CELF2: variants seen among roughly 807,000 people sequenced by gnomAD.
CELF2 encodes the protein CUGBP Elav-like family member 2.
A neutral mutation model predicts 62.6 loss-of-function variants in CELF2; 8 were observed. That is an observed-to-expected ratio of 0.13 (90% CI 0.07 to 0.23). The LOEUF is 0.23. Among genes scored for constraint, CELF2 ranks in the 10% least tolerant of loss-of-function variants. The probability of loss-of-function intolerance (pLI) is 1.00; values close to 1 mark genes in which losing one functional copy is unlikely to be tolerated. For missense variants in CELF2, 333 were observed against 671.0 expected (o/e 0.50, Z 5.56); for synonymous variants, 258 against 250.0 (o/e 1.03, Z -0.30).
At chr10:11,096,818 G>C (rs1332819035) in intron 1 of CELF2, among the ~76,000 whole-genome samples, 2 of 152,116 alleles carry the variant, frequency 1.3e-5, no homozygotes, top group Non-Finnish European at 2.9e-5. Context: ...GGATGATGGA[G>C]GTTACTTTCA....
chr10:11,094,588 G>A lies in CELF2; in HGVS notation c.75-70898G>A, dbSNP rs551930188. 3.3e-5 allele frequency among the ~76,000 whole-genome samples: 5 copies of A among 152,152 alleles called. No homozygotes were observed. In the East Asian group the frequency reaches 7.7e-4, roughly 23 times the overall value. ...TCCTGACAACAATTTCTTTGGAAGG[G>A]GAAAAAAAGCAAAAGGGAAGTGAGA... On this transcript the variant is annotated intron_variant, in intron 1 of 12. Coordinates refer to ENST00000633077, the MANE Select transcript of CELF2 (RefSeq NM_001326342.2).
chr10:10,743,553 A>T, the CELF2 span, among the ~76,000 whole-genome samples: 4 of 152,234 alleles, frequency 2.6e-5, no homozygotes, highest in African/African-American at 9.6e-5. Context: ...TAGGCAACTT[A>T]TGAGTGCAAG....
chr10:11,139,066 A>G (rs1040244348), intron 1 of CELF2, among the ~76,000 whole-genome samples: 1 of 152,268 alleles, frequency 6.6e-6, no homozygotes, highest in Non-Finnish European at 1.5e-5. Context: ...AGGCTCAATT[A>G]CTTAAGTCAT....
chr10:11,014,759 A>C (rs748079601), upstream of CELF2, among the ~76,000 whole-genome samples: 17 of 152,120 alleles, frequency 1.1e-4, no homozygotes, highest in Non-Finnish European at 1.5e-4. Flanking sequence ...GCCTCATATA[A>C]AATGAGGTCA....
At chr10:11,061,637 C>T (rs996418228) in intron 1 of CELF2, among the ~76,000 whole-genome samples, 4 of 152,196 alleles carry the variant, frequency 2.6e-5, no homozygotes, top group African/African-American at 9.6e-5. Flanking sequence ...GATTGATTAT[C>T]TTATAAGGGG....
At chr10:10,926,647 G>T (rs560355069) in intron 2 of CELF2, among the ~76,000 whole-genome samples, 3 of 152,186 alleles carry the variant, frequency 2.0e-5, no homozygotes, top group African/African-American at 7.2e-5. Flanking sequence ...TCTTCCATGG[G>T]ACTGTTTTTT....
chr10:11,149,204 G>A (rs904604850), intron 1 of CELF2, among the ~76,000 whole-genome samples: 4 of 152,168 alleles, frequency 2.6e-5, no homozygotes, highest in African/African-American at 9.7e-5. Context: ...CTGAGTGGCT[G>A]GGACTACAGG....
At chr10:10,576,943 T>G in the CELF2 span, among the ~76,000 whole-genome samples, 1 of 152,210 alleles carries the variant, frequency 6.6e-6, no homozygotes, top group Non-Finnish European at 1.5e-5. Flanking sequence ...AAGAGGCTAT[T>G]CTACCCCCAG....
At chr10:10,660,192 G>A in the CELF2 span, among the ~76,000 whole-genome samples, 8 of 152,240 alleles carry the variant, frequency 5.3e-5, no homozygotes, top group South Asian at 8.3e-4. Context: ...AACTGTTCAC[G>A]GATGATCATG....
At chr10:11,151,192 G>A (rs980766463) in intron 1 of CELF2, among the ~76,000 whole-genome samples, 3 of 152,138 alleles carry the variant, frequency 2.0e-5, no homozygotes, top group African/African-American at 7.2e-5. Context: ...TCCACCTCCG[G>A]TCCCGTAGTC....
chr10:10,797,447 A>T (rs770705286), upstream of CELF2, among the ~76,000 whole-genome samples: 4 of 152,042 alleles, frequency 2.6e-5, no homozygotes, highest in African/African-American at 4.8e-5. Flanking sequence ...GTGTCTGGGC[A>T]TAATAATAAT....
Position 11,095,180 on chromosome 10 carries a change from C to T in CELF2, c.75-70306C>T, listed in dbSNP as rs544639767. 9.2e-5 allele frequency among the ~76,000 whole-genome samples: 14 copies of T among 152,202 alleles called. No individual in the cohort carries two copies. In the South Asian group the frequency reaches 2.3e-3, roughly 25 times the overall value. Reference sequence around the variant, plus strand: ...TACTTTGCGTAGGGGGTTTACAAAGCGAAGTTTCTTCCTATGATTGTTAAC... The same window carrying T: ...TACTTTGCGTAGGGGGTTTACAAAGTGAAGTTTCTTCCTATGATTGTTAAC... On this transcript the variant is annotated intron_variant, in intron 1 of 12. Coordinates refer to ENST00000633077, the MANE Select transcript of CELF2 (RefSeq NM_001326342.2).
rs952209939 is a variant in CELF2, at chr10:11,315,267, G to A, written c.1096+1009G>A. On this transcript the variant is annotated intron_variant, in intron 10 of 12. Coordinates refer to ENST00000633077, the MANE Select transcript of CELF2 (RefSeq NM_001326342.2). This position sits in a 1 kb window ranked among gnomAD's most constrained non-coding sequence, Gnocchi z 5.8. ...CGACAGCTAACAGAGCTGCTGATACGGGAGCCCAGTTAGCTACCATGCAGC... is the reference window on the plus strand; with the variant it reads ...CGACAGCTAACAGAGCTGCTGATACAGGAGCCCAGTTAGCTACCATGCAGC... Among the ~76,000 whole-genome samples, 3 of 152,132 alleles carry A rather than the reference G, an allele frequency of 2.0e-5. No homozygotes were observed. Among genetic ancestry groups the A allele is most frequent in the Non-Finnish European group, 2.9e-5 (2 of 68,028 alleles).
At chr10:10,927,425 T>C (rs1465513358) in intron 2 of CELF2, among the ~76,000 whole-genome samples, 1 of 149,956 alleles carries the variant, frequency 6.7e-6, no homozygotes, top group Non-Finnish European at 1.5e-5. Flanking sequence ...CCAAAATGTA[T>C]CTTTATTTAT....
chr10:10,489,795 A>T, the CELF2 span, among the ~76,000 whole-genome samples: 1 of 152,066 alleles, frequency 6.6e-6, no homozygotes, highest in African/African-American at 2.4e-5. Flanking sequence ...GTAAGATTTC[A>T]GGTGGAGTTG....
intron 2 of CELF2, among the ~76,000 whole-genome samples, chr10:11,196,515 A>G (rs545167441): frequency 5.5e-4 from 83 of 152,150 alleles, no homozygotes; most frequent in Middle Eastern, 6.8e-3. Flanking sequence ...AAAAATAACA[A>G]AATTAGCCAG....
At chr10:11,222,669 G>A (rs1460608764) in intron 3 of CELF2, among the ~76,000 whole-genome samples, 1 of 152,102 alleles carries the variant, frequency 6.6e-6, no homozygotes, top group Admixed American at 6.5e-5. Flanking sequence ...AAACCACAAA[G>A]CCTGCCACTA....
At chr10:10,913,985 G>A (rs1244736879) in intron 1 of CELF2, among the ~76,000 whole-genome samples, 1 of 149,752 alleles carries the variant, frequency 6.7e-6, no homozygotes, top group East Asian at 2.0e-4. Flanking sequence ...AAAAAGGGAA[G>A]GGGAAGAGAG....
At chr10:11,307,081 C>T (rs1356817916) in intron 9 of CELF2, among the ~76,000 whole-genome samples, 1 of 152,212 alleles carries the variant, frequency 6.6e-6, no homozygotes, top group Non-Finnish European at 1.5e-5. Flanking sequence ...CAGTGTGTGG[C>T]ATCAACACAC....
Sources: gnomAD v4.1 joint callset for allele counts (sites outside exome capture counted in the v4.1 genomes callset) on GRCh38, gnomAD v4.1.1 for gene constraint, Gnocchi (gnomAD v3.1) non-coding constraint, MANE v1.5 for transcripts, NCBI Gene and HGNC (gene_info 2026-07-23, HGNC 2026-07-21) for gene names.